The following SPTSSB variants were observed in gnomAD, a reference collection of about 807,000 sequenced individuals.
SPTSSB encodes the protein serine palmitoyltransferase small subunit B.
SPTSSB carries 6 observed loss-of-function variants against 7.7 expected under a neutral mutation model. The observed-to-expected ratio is 0.78, with a 90% CI of 0.43 to 1.54. The LOEUF (loss-of-function observed/expected upper bound fraction) is 1.54, where lower values mean the gene tolerates loss of function less well. Among genes scored for constraint, SPTSSB ranks in the 40% most tolerant of loss-of-function variants. The pLI, the probability that SPTSSB is intolerant of heterozygous loss-of-function variation, is 0.01. For synonymous variants in SPTSSB, 28 were observed against 29.7 expected (o/e 0.94, Z 0.19); for missense variants, 91 against 93.0 (o/e 0.98, Z 0.09).
intron 1 of SPTSSB, among the ~76,000 whole-genome samples, chr3:161,360,174 A>G (rs2108164208): frequency 6.6e-6 from 1 of 152,328 alleles, no homozygotes; most frequent in Admixed American, 6.5e-5. Context: ...GGAGGGACAA[A>G]GGGAGGGGCT....
chr3:161,366,266 G>A (rs1005529206), intron 1 of SPTSSB, among the ~76,000 whole-genome samples: 1 of 152,196 alleles, frequency 6.6e-6, no homozygotes, highest in African/African-American at 2.4e-5. Context: ...CCAGGCTGAT[G>A]ATTTCTTTGA....
intron 1 of SPTSSB, among the ~76,000 whole-genome samples, chr3:161,364,229 T>C (rs914622051): frequency 6.6e-6 from 1 of 152,168 alleles, no homozygotes; most frequent in African/African-American, 2.4e-5. Context: ...GCCTGGATAG[T>C]TGATCAGGAC....
chr3:161,362,326 T>C (rs1715048043), intron 1 of SPTSSB, among the ~76,000 whole-genome samples: 1 of 152,100 alleles, frequency 6.6e-6, no homozygotes, highest in Non-Finnish European at 1.5e-5. Flanking sequence ...AAATATTAAG[T>C]AAGAATCTTC....
intron 2 of SPTSSB, chr3:161,359,289 C>A (rs1560105824): frequency 6.6e-6 from 1 of 152,236 alleles, no homozygotes; most frequent in East Asian, 1.9e-4. Flanking sequence ...TAATTAAATG[C>A]TTATTAAAAC....
chr3:161,370,515 C>T (rs1478695723), intron 1 of SPTSSB, among the ~76,000 whole-genome samples: 2 of 152,236 alleles, frequency 1.3e-5, no homozygotes, highest in East Asian at 3.9e-4. Context: ...ATTAAAAATT[C>T]AACACTTTTA....
chr3:161,352,191 C>T (rs1470286705), intron 2 of SPTSSB, among the ~76,000 whole-genome samples: 2 of 152,170 alleles, frequency 1.3e-5, no homozygotes, highest in Non-Finnish European at 2.9e-5. Flanking sequence ...ATAAAACCTT[C>T]GTTTAAAGCC....
intron 2 of SPTSSB, among the ~76,000 whole-genome samples, chr3:161,356,996 A>C (rs1381033286): frequency 6.6e-6 from 1 of 152,190 alleles, no homozygotes; most frequent in Non-Finnish European, 1.5e-5. Context: ...AGAAAAAAAA[A>C]TAAAAATAAA....
intron 1 of SPTSSB, among the ~76,000 whole-genome samples, chr3:161,364,531 TC>T (rs1208194707): frequency 6.6e-6 from 1 of 152,026 alleles, no homozygotes; most frequent in Non-Finnish European, 1.5e-5. Context: ...AATAGATAAC[TC>T]CATATGAGGA....
At chr3:161,352,714 G>A (rs1470379608) in intron 2 of SPTSSB, among the ~76,000 whole-genome samples, 1 of 152,178 alleles carries the variant, frequency 6.6e-6, no homozygotes, top group Admixed American at 6.5e-5. Flanking sequence ...AATTCTCATT[G>A]TCTGCTTTCA....
intron 2 of SPTSSB, among the ~76,000 whole-genome samples, chr3:161,352,027 A>G (rs559832269): frequency 1.3e-5 from 2 of 151,968 alleles, no homozygotes. Context: ...GGTGCTGTGG[A>G]CTCTCCATCT....
At chr3:161,348,397 C>T (rs934551128) in intron 2 of SPTSSB, among the ~76,000 whole-genome samples, 9 of 152,192 alleles carry the variant, frequency 5.9e-5, no homozygotes, top group Non-Finnish European at 1.3e-4. Context: ...TAGCCAACAC[C>T]TTAATGATGG....
intron 2 of SPTSSB, among the ~76,000 whole-genome samples, chr3:161,346,733 A>G (rs1416732213): frequency 2.0e-5 from 3 of 152,200 alleles, no homozygotes; most frequent in Non-Finnish European, 4.4e-5. Context: ...TGAGGAAGAG[A>G]CTTTTGAGAT....
chr3:161,352,362 G>T (rs939040904), intron 2 of SPTSSB, among the ~76,000 whole-genome samples: 1 of 151,942 alleles, frequency 6.6e-6, no homozygotes, highest in African/African-American at 2.4e-5. Flanking sequence ...TTAAGCTATT[G>T]CTTAAAGAAG....
intron 1 of SPTSSB, among the ~76,000 whole-genome samples, chr3:161,369,308 T>TTC (rs1431083657): frequency 0.047 from 2,777 of 59,280 alleles, 107 homozygotes; most frequent in East Asian, 0.19. Flanking sequence ...CTTTCTTTCT[T>TTC]TCTTTCTCTT....
chr3:161,359,144 T>C (rs1450863651), intron 2 of SPTSSB, among the ~76,000 whole-genome samples: 1 of 152,194 alleles, frequency 6.6e-6, no homozygotes, highest in Non-Finnish European at 1.5e-5. Context: ...TTTCTTTCTT[T>C]ATTAAAAATA....
intron 1 of SPTSSB, among the ~76,000 whole-genome samples, chr3:161,364,352 T>C (rs995160157): frequency 2.0e-5 from 3 of 152,280 alleles, no homozygotes; most frequent in Admixed American, 2.0e-4. Context: ...GCTATCTGAG[T>C]AATTAAAACA....
Position 161,346,278 on chromosome 3 carries a change from G to T in SPTSSB, c.46C>A (p.Gln16Lys), listed in dbSNP as rs749402614. ...VKEYFSWLYY[Q>K]YQIISCCAVL... ...GCACAGCAGCTAATGATTTGGTATT[G>T]ATAGTAGAGCCAGGAGAAATATTCC... The change falls in exon 3 of 3, where the codon CAA becomes AAA. Residue 16 changes from glutamine to lysine, a missense_variant. By Grantham distance (53) the Gln-to-Lys change is moderately conservative. Transcript: ENST00000620149. 6.2e-7 allele frequency: 1 copy of T among 1,613,924 alleles called. No individual in the cohort carries two copies. Among genetic ancestry groups the T allele is most frequent in the Non-Finnish European group, 8.5e-7 (1 of 1,179,872 alleles).
At chr3:161,369,289 T>C (rs571461456) in intron 1 of SPTSSB, among the ~76,000 whole-genome samples, 3 of 76,894 alleles carry the variant, frequency 3.9e-5, no homozygotes, top group Admixed American at 1.3e-4. Flanking sequence ...TTCTTTCTTT[T>C]CTTTCTTTCT....
At chr3:161,355,006 T>G (rs1353505186) in intron 2 of SPTSSB, among the ~76,000 whole-genome samples, 1 of 152,172 alleles carries the variant, frequency 6.6e-6, no homozygotes, top group Admixed American at 6.5e-5. Flanking sequence ...TGAGGAGATA[T>G]TAGGAGTAGG....
Sources: allele counts gnomAD v4.1 joint callset (sites outside exome capture counted in the v4.1 genomes callset), GRCh38; gene constraint gnomAD v4.1.1; transcripts MANE v1.5; gene names NCBI Gene and HGNC (gene_info 2026-07-23, HGNC 2026-07-21).